The following RNF2 variants were observed in gnomAD, a reference collection of about 807,000 sequenced individuals.
RNF2 encodes E3 ubiquitin-protein ligase RING2.
In RNF2, 6 loss-of-function variants were observed where a neutral mutation model predicts 37.2. The ratio of observed to expected loss-of-function variants is 0.16; its 90% CI spans 0.09 to 0.32. RNF2 has a LOEUF of 0.32. RNF2 is among the 10% of genes least tolerant of loss of function. The pLI is 1.00. For synonymous variants in RNF2, 133 were observed against 132.7 expected, an observed-to-expected ratio of 1.00 and a Z score of -0.02; for missense variants, 251 against 404.0, an observed-to-expected ratio of 0.62 and a Z score of 3.25.
intron 1 of RNF2, among the ~76,000 whole-genome samples, chr1:185,064,197 A>G (rs1255367815): frequency 1.3e-5 from 2 of 152,244 alleles, no homozygotes; most frequent in African/African-American, 4.8e-5. Context: ...TAGCTTCTAT[A>G]TAGTAAGTTA....
Position 185,098,329 on chromosome 1 carries a change from A to G in RNF2, c.722A>G (p.Asp241Gly), listed in dbSNP as rs758849616. 2.5e-6 allele frequency: 4 copies of G among 1,614,122 alleles called. No homozygotes were observed. Among genetic ancestry groups the G allele is most frequent in the African/African-American group, 1.3e-5 (1 of 75,080 alleles). ...CATCCCACACTTATGGAAAAAGATG[A>G]CAGTGCACAGACGAGGTAAGTGTGT... ...RPHPTLMEKD[D>G]SAQTRYIKTS... is the part of the protein sequence containing the mutation. The change falls in exon 5 of 7, where the codon GAC becomes GGC. Residue 241 changes from aspartate (D) to glycine (G), a missense_variant. Transcript: ENST00000367510.
chr1:185,070,128 A>C (rs1276529195), intron 1 of RNF2, among the ~76,000 whole-genome samples: 1 of 152,238 alleles, frequency 6.6e-6, no homozygotes, highest in Admixed American at 6.5e-5. Flanking sequence ...TGCTTCTTCA[A>C]ATTGAAATAA....
intron 2 of RNF2, 66 bp downstream of exon 2, chr1:185,087,706 T>C: frequency 1.7e-6 from 2 of 1,185,238 alleles, no homozygotes; most frequent in South Asian, 2.5e-5. Context: ...TTTTAGAACA[T>C]GAAAACTTAA....
At chr1:185,056,570 T>C (rs1650441010) in intron 1 of RNF2, among the ~76,000 whole-genome samples, 1 of 152,138 alleles carries the variant, frequency 6.6e-6, no homozygotes, top group African/African-American at 2.4e-5. Context: ...GGGGTTTAGC[T>C]ATGTTGCCCA....
At chr1:185,048,322 C>T (rs920605745) in intron 1 of RNF2, among the ~76,000 whole-genome samples, 9 of 152,090 alleles carry the variant, frequency 5.9e-5, no homozygotes, top group African/African-American at 2.2e-4. Flanking sequence ...TTCTCCTTTG[C>T]TTTACGGTTT....
At chr1:185,075,245 C>G (rs374364046) in intron 1 of RNF2, among the ~76,000 whole-genome samples, 1 of 152,078 alleles carries the variant, frequency 6.6e-6, no homozygotes, top group African/African-American at 2.4e-5. Context: ...CCCCCCGCCT[C>G]GGCCTCCCAA....
At chr1:185,068,358 A>G (rs1336808144) in intron 1 of RNF2, among the ~76,000 whole-genome samples, 1 of 152,168 alleles carries the variant, frequency 6.6e-6, no homozygotes, top group African/African-American at 2.4e-5. Context: ...TTACTTTGAA[A>G]AAGGTTCTTT....
At chr1:185,094,291 C>T (rs1311082059) in intron 4 of RNF2, among the ~76,000 whole-genome samples, 19 of 151,986 alleles carry the variant, frequency 1.3e-4, no homozygotes, top group African/African-American at 3.4e-4. Flanking sequence ...TACAGGTGCA[C>T]GCCACCATGC....
At chr1:185,068,822 C>G (rs913269475) in intron 1 of RNF2, among the ~76,000 whole-genome samples, 2 of 152,190 alleles carry the variant, frequency 1.3e-5, no homozygotes, top group African/African-American at 4.8e-5. Context: ...TAAACTCTTT[C>G]TCCTTTTGGG....
intron 1 of RNF2, among the ~76,000 whole-genome samples, chr1:185,086,274 G>C (rs1303493366): frequency 6.6e-6 from 1 of 151,894 alleles, no homozygotes; most frequent in Admixed American, 6.6e-5. Context: ...AGGACCCTGG[G>C]GCAGTTCTGC....
At chr1:185,096,681 G>A (rs1651921631) in intron 4 of RNF2, among the ~76,000 whole-genome samples, 1 of 152,128 alleles carries the variant, frequency 6.6e-6, no homozygotes, top group South Asian at 2.1e-4. Flanking sequence ...ACCTCAGCAT[G>A]TCTATTCATG....
In RNF2 at chr1:185,099,885, T is replaced by C; in HGVS notation, c.832T>C (p.Ser278Pro). 1.9e-6 allele frequency: 3 copies of C among 1,614,120 alleles called. No homozygotes were observed. The highest frequency in any genetic ancestry group is 2.5e-6 in the Non-Finnish European group (3 of 1,179,988). ...ALEELRSKGESNQMNLDTASE... is the reference protein window; with the variant it reads ...ALEELRSKGEPNQMNLDTASE... ...AGAAGAACTTCGAAGCAAAGGTGAA[T>C]CAAACCAGATGAACCTTGATACAGC... Residue 278 changes from serine (S) to proline (P), a missense_variant, in exon 6 of 7, where the codon TCA becomes CCA. Coordinates refer to ENST00000367510, the MANE Select transcript of RNF2 (RefSeq NM_007212.4).
At chr1:185,057,322 A>G (rs1224053693) in intron 1 of RNF2, among the ~76,000 whole-genome samples, 1 of 152,152 alleles carries the variant, frequency 6.6e-6, no homozygotes, top group Non-Finnish European at 1.5e-5. Flanking sequence ...AAATAAATAA[A>G]TAAAATCTAA....
At chr1:185,055,716 T>C (rs186733549) in intron 1 of RNF2, among the ~76,000 whole-genome samples, 187 of 152,338 alleles carry the variant, frequency 1.2e-3, no homozygotes, top group African/African-American at 4.2e-3. Context: ...CCGCCGTGCC[T>C]GGCCTGTAGT....
At chr1:185,079,192 A>G (rs1266863614) in intron 1 of RNF2, among the ~76,000 whole-genome samples, 1 of 150,618 alleles carries the variant, frequency 6.6e-6, no homozygotes, top group Non-Finnish European at 1.5e-5. Context: ...TTGAGCACCT[A>G]CTTTGTATAG....
chr1:185,090,175 C>T (rs1322427148), intron 2 of RNF2, among the ~76,000 whole-genome samples: 2 of 152,154 alleles, frequency 1.3e-5, no homozygotes, highest in African/African-American at 2.4e-5. Flanking sequence ...CCGCCTCGGC[C>T]TCCCGAAGTG....
intron 1 of RNF2, among the ~76,000 whole-genome samples, chr1:185,068,465 G>A (rs1650865726): frequency 6.6e-6 from 1 of 152,206 alleles, no homozygotes; most frequent in Non-Finnish European, 1.5e-5. Flanking sequence ...AAGAGAAGGG[G>A]CAGAGAGAGA....
Position 185,093,189 on chromosome 1 carries a change from G to T in RNF2, c.377G>T (p.Arg126Ile). 6.2e-7 allele frequency: 1 copy of T among 1,614,096 alleles called. No homozygotes were observed. The highest frequency in any genetic ancestry group is 1.1e-5 in the South Asian group (1 of 91,080). The change falls in exon 4 of 7, where the codon AGA (arginine) becomes ATA (isoleucine). Residue 126 changes from arginine to isoleucine, a missense_variant. Around this residue, in one of 7 missense-constraint regions of RNF2, gnomAD observed 33 missense variants for 46.8 expected, o/e 0.71. Transcript: ENST00000367510. ...SRDEYEAHQE[R>I]VLARINKHNN... is the part of the protein sequence containing the mutation. ...GATGAGTATGAAGCTCATCAAGAGA[G>T]AGTATTAGCCAGGATCAACAAGCAC...
intron 1 of RNF2, among the ~76,000 whole-genome samples, chr1:185,065,455 A>T (rs1326090814): frequency 1.3e-5 from 2 of 151,848 alleles, no homozygotes; most frequent in Non-Finnish European, 2.9e-5. Flanking sequence ...GCTGCTGCTC[A>T]CTCTTTGGGT....
Sources: gnomAD v4.1 joint callset for allele counts (sites outside exome capture counted in the v4.1 genomes callset) on GRCh38, gnomAD v4.1.1 for gene constraint, gnomAD v4.1.1 regional missense constraint, MANE v1.5 for transcripts, NCBI Gene and HGNC (gene_info 2026-07-23, HGNC 2026-07-21) for gene names.